KHDRBS2: variants seen among roughly 807,000 people sequenced by gnomAD.
KHDRBS2 encodes KH domain-containing, RNA-binding, signal transduction-associated protein 2.
Under a neutral mutation model 44.3 loss-of-function variants are expected in KHDRBS2, and 26 were observed. The ratio of observed to expected loss-of-function variants is 0.59; its 90% CI spans 0.43 to 0.81. The LOEUF is 0.81. Among genes scored for constraint, KHDRBS2 ranks in the 40% least tolerant of loss-of-function variants. KHDRBS2 has a pLI of 0.00. For missense variants in KHDRBS2, 476 were observed against 433.1 expected, an observed-to-expected ratio of 1.10 and a Z score of -0.88; for synonymous variants, 194 against 151.1, an observed-to-expected ratio of 1.28 and a Z score of -2.08.
At chr6:62,115,480 C>T (rs527292035) in intron 2 of KHDRBS2, among the ~76,000 whole-genome samples, 1 of 152,240 alleles carries the variant, frequency 6.6e-6, no homozygotes, top group African/African-American at 2.4e-5. Flanking sequence ...GGATGAAATC[C>T]AAATGCCAAG....
At chr6:61,579,098 G>T in the KHDRBS2 span, among the ~76,000 whole-genome samples, 2 of 152,064 alleles carry the variant, frequency 1.3e-5, no homozygotes, top group Admixed American at 6.6e-5. Flanking sequence ...ACATGCGTAG[G>T]CTCAGGATTA....
intron 3 of KHDRBS2, among the ~76,000 whole-genome samples, chr6:61,982,084 G>A (rs2127405475): frequency 6.6e-6 from 1 of 152,222 alleles, no homozygotes; most frequent in East Asian, 1.9e-4. Flanking sequence ...GTCATTCATA[G>A]GTAGTTACTA....
At chr6:61,919,330 C>A (rs1475821397) in intron 4 of KHDRBS2, among the ~76,000 whole-genome samples, 2 of 151,730 alleles carry the variant, frequency 1.3e-5, no homozygotes, top group African/African-American at 4.8e-5. Context: ...GTTAGCAAAG[C>A]AGTAGAAATG....
chr6:61,544,706 T>C, the KHDRBS2 span, among the ~76,000 whole-genome samples: 3 of 152,026 alleles, frequency 2.0e-5, no homozygotes, highest in African/African-American at 7.2e-5. Flanking sequence ...ATAGACTGGA[T>C]TAAGAAAATG....
At chr6:61,545,378 C>G in the KHDRBS2 span, among the ~76,000 whole-genome samples, 1 of 151,916 alleles carries the variant, frequency 6.6e-6, no homozygotes, top group Non-Finnish European at 1.5e-5. Context: ...TTAATTTAAG[C>G]CTTGTTCTTA....
chr6:62,089,137 T>C (rs1448941033), intron 2 of KHDRBS2, among the ~76,000 whole-genome samples: 1 of 152,006 alleles, frequency 6.6e-6, no homozygotes, highest in Non-Finnish European at 1.5e-5. Flanking sequence ...TTCATACCAG[T>C]GTATCTCAGC....
At chr6:61,577,263 G>A in the KHDRBS2 span, among the ~76,000 whole-genome samples, 5 of 152,010 alleles carry the variant, frequency 3.3e-5, no homozygotes, top group East Asian at 9.7e-4. Context: ...TACAAATGCT[G>A]CAGGTTGGTG....
chr6:61,649,509 A>G, the KHDRBS2 span, among the ~76,000 whole-genome samples: 1 of 152,172 alleles, frequency 6.6e-6, no homozygotes, highest in Non-Finnish European at 1.5e-5. Context: ...ACAGCTTCAC[A>G]TCAGTATAAA....
chr6:62,253,551 T>G (rs1836891800), intron 1 of KHDRBS2, among the ~76,000 whole-genome samples: 2 of 151,940 alleles, frequency 1.3e-5, no homozygotes, highest in African/African-American at 2.4e-5. Flanking sequence ...TTGTACAGTT[T>G]GAAAGCTGTT....
At chr6:62,184,574 G>A (rs1823040394) in intron 1 of KHDRBS2, among the ~76,000 whole-genome samples, 1 of 151,534 alleles carries the variant, frequency 6.6e-6, no homozygotes, top group Admixed American at 6.6e-5. Flanking sequence ...CAAACAAAAG[G>A]GATTAAACAG....
the KHDRBS2 span, among the ~76,000 whole-genome samples, chr6:61,664,089 C>A: frequency 1.3e-5 from 2 of 151,710 alleles, no homozygotes; most frequent in Non-Finnish European, 2.9e-5. Flanking sequence ...AAAGGCTTAA[C>A]CTTTGTATTT....
chr6:61,847,205 C>G (rs1256347810), intron 6 of KHDRBS2, among the ~76,000 whole-genome samples: 1 of 152,016 alleles, frequency 6.6e-6, no homozygotes, highest in African/African-American at 2.4e-5. Flanking sequence ...AGACTAAATT[C>G]TCACTGTTGA....
At chr6:61,721,770 T>C (rs1772607687) in intron 7 of KHDRBS2, among the ~76,000 whole-genome samples, 1 of 102,442 alleles carries the variant, frequency 9.8e-6, no homozygotes, top group Non-Finnish European at 2.1e-5. Flanking sequence ...ATACCTTTTA[T>C]TTCCTTCTCC....
intron 3 of KHDRBS2, among the ~76,000 whole-genome samples, chr6:62,045,246 G>A (rs557465459): frequency 2.9e-4 from 44 of 152,020 alleles, no homozygotes; most frequent in African/African-American, 9.9e-4. Context: ...AGCCAAAGGG[G>A]AATAAGTATA....
intron 5 of KHDRBS2, among the ~76,000 whole-genome samples, chr6:61,900,969 G>T (rs534215124): frequency 2.6e-5 from 4 of 152,178 alleles, no homozygotes; most frequent in Non-Finnish European, 4.4e-5. Context: ...TCTGGAGTCA[G>T]ACTGTCTACG....
chr6:61,793,476 CTT>C (rs1455383925), intron 6 of KHDRBS2, among the ~76,000 whole-genome samples: 1 of 151,802 alleles, frequency 6.6e-6, no homozygotes, highest in Non-Finnish European at 1.5e-5. Flanking sequence ...TAAACAGGAA[CTT>C]ATCAACTTAG....
At chr6:62,209,160 G>C (rs1185612789) in intron 1 of KHDRBS2, among the ~76,000 whole-genome samples, 1 of 152,092 alleles carries the variant, frequency 6.6e-6, no homozygotes, top group Admixed American at 6.5e-5. Context: ...GTCACAGAAA[G>C]CCAAATAACC....
chr6:62,108,232 TCAAA>T (rs1804000585), intron 2 of KHDRBS2, among the ~76,000 whole-genome samples: 1 of 152,020 alleles, frequency 6.6e-6, no homozygotes, highest in African/African-American at 2.4e-5. Context: ...TACAATGAGC[TCAAA>T]CAAATTTAGA....
At chr6:62,161,351 T>C (rs961222679) in intron 2 of KHDRBS2, among the ~76,000 whole-genome samples, 2 of 151,176 alleles carry the variant, frequency 1.3e-5, no homozygotes, top group Admixed American at 1.3e-4. Context: ...TTTAAAAAAA[T>C]TGAAAAAATA....
Sources: gnomAD v4.1 joint callset for allele counts (sites outside exome capture counted in the v4.1 genomes callset) on GRCh38, gnomAD v4.1.1 for gene constraint, MANE v1.5 for transcripts, NCBI Gene and HGNC (gene_info 2026-07-23, HGNC 2026-07-21) for gene names.